TAF2: variants seen among roughly 807,000 people sequenced by gnomAD.
TAF2 encodes TATA-box binding protein associated factor 2.
A neutral mutation model predicts 138.5 loss-of-function variants in TAF2; 61 were observed. The observed-to-expected ratio is 0.44, with a 90% CI of 0.36 to 0.54. The LOEUF (loss-of-function observed/expected upper bound fraction) is 0.54. TAF2 is among the 20% of genes least tolerant of loss of function. The pLI is 0.00. For missense variants in TAF2, 1,090 were observed against 1,427.9 expected, an observed-to-expected ratio of 0.76 and a Z score of 3.81; for synonymous variants, 475 against 469.9, an observed-to-expected ratio of 1.01 and a Z score of -0.14.
intron 18 of TAF2, among the ~76,000 whole-genome samples, chr8:119,777,079 G>A (rs1822302542): frequency 6.6e-6 from 1 of 152,108 alleles, no homozygotes; most frequent in Non-Finnish European, 1.5e-5. Context: ...TGATATATAT[G>A]GCATTTACAT....
intron 2 of TAF2, among the ~76,000 whole-genome samples, chr8:119,821,262 T>A (rs1825788788): frequency 6.6e-6 from 1 of 152,200 alleles, no homozygotes; most frequent in South Asian, 2.1e-4. Flanking sequence ...GCCACTGGCA[T>A]AACTGCAAGC....
At chr8:119,793,922 G>A in intron 9 of TAF2, among the ~76,000 whole-genome samples, 1 of 150,358 alleles carries the variant, frequency 6.7e-6, no homozygotes, top group East Asian at 2.0e-4. Flanking sequence ...AGGGGGGGTT[G>A]GGGGCAGTTG....
intron 21 of TAF2, among the ~76,000 whole-genome samples, chr8:119,757,780 C>T (rs764635300): frequency 5.9e-5 from 9 of 151,972 alleles, no homozygotes; most frequent in Non-Finnish European, 7.4e-5. Context: ...CCTGTAATCC[C>T]AGCCACCAGA....
At chr8:119,778,581 T>C (rs1700946187) in intron 17 of TAF2, among the ~76,000 whole-genome samples, 1 of 152,220 alleles carries the variant, frequency 6.6e-6, no homozygotes, top group Non-Finnish European at 1.5e-5. Context: ...TCGTTGCCTA[T>C]TGAGTAGGAG....
At chr8:119,831,797 T>C in intron 1 of TAF2, 66 bp from the exon 2 acceptor site, 1 of 1,085,806 alleles carries the variant, frequency 9.2e-7, no homozygotes, top group Non-Finnish European at 1.3e-6. Flanking sequence ...CAAAGTATAA[T>C]TCTATCCAAG....
intron 3 of TAF2, among the ~76,000 whole-genome samples, chr8:119,817,777 T>C (rs542873705): frequency 6.6e-6 from 1 of 152,188 alleles, no homozygotes; most frequent in Non-Finnish European, 1.5e-5. Context: ...AGGGTGGATA[T>C]TTTGGCCTTC....
intron 18 of TAF2, among the ~76,000 whole-genome samples, chr8:119,768,082 C>G (rs567759533): frequency 5.3e-5 from 8 of 152,322 alleles, no homozygotes; most frequent in African/African-American, 1.9e-4. Flanking sequence ...CTGAGGGAGT[C>G]CGCCTTCCTC....
intron 14 of TAF2, among the ~76,000 whole-genome samples, chr8:119,786,480 C>G (rs1279590496): frequency 6.6e-6 from 1 of 151,928 alleles, no homozygotes; most frequent in Non-Finnish European, 1.5e-5. Context: ...TACCTTCAAA[C>G]AAAATGAGGA....
intron 25 of TAF2, among the ~76,000 whole-genome samples, chr8:119,740,627 T>C (rs1053122705): frequency 5.9e-5 from 8 of 136,624 alleles, no homozygotes; most frequent in African/African-American, 8.4e-5. Context: ...ATCGCATCAC[T>C]GCACTCCAGC....
At chr8:119,753,534 G>A (rs753083231) in intron 22 of TAF2, among the ~76,000 whole-genome samples, 12 of 152,076 alleles carry the variant, frequency 7.9e-5, no homozygotes, top group African/African-American at 2.4e-4. Flanking sequence ...GAAAAACTAA[G>A]TAATAAACTG....
chr8:119,755,475 C>T (rs1037462299), intron 22 of TAF2, among the ~76,000 whole-genome samples: 9 of 151,500 alleles, frequency 5.9e-5, no homozygotes, highest in Non-Finnish European at 2.9e-5. Context: ...CCAACCTGGG[C>T]GACAGAAACT....
At chr8:119,805,792 T>C (rs1012225633) in intron 4 of TAF2, among the ~76,000 whole-genome samples, 1 of 152,062 alleles carries the variant, frequency 6.6e-6, no homozygotes, top group Non-Finnish European at 1.5e-5. Flanking sequence ...AATGGTATCA[T>C]CCTGTTAGCC....
At position 119,797,781 on chromosome 8, in the gene TAF2, T is replaced by G; in HGVS notation, c.858A>C (p.Glu286Asp). The change falls in exon 7 of 26, where the codon GAA (glutamate) becomes GAC (aspartate). Residue 286 changes from glutamate (E) to aspartate (D), a missense_variant. Coordinates refer to ENST00000378164, the MANE Select transcript of TAF2 (RefSeq NM_003184.4). ...LLKHTTSYLHEVFEFYEEILT... is the reference protein window; with the variant it reads ...LLKHTTSYLHDVFEFYEEILT... ...GAATTTCTTCATAAAATTCAAAGACTTCATGAAGGTATGATGTGGTATGTT... is the reference window on the plus strand; with the variant it reads ...GAATTTCTTCATAAAATTCAAAGACGTCATGAAGGTATGATGTGGTATGTT... The G allele has an allele frequency of 6.2e-7, 1 of 1,613,582 alleles. No individual in the cohort carries two copies. The highest frequency in any genetic ancestry group is 8.5e-7 in the Non-Finnish European group (1 of 1,179,718).
At chr8:119,760,828 T>C in intron 19 of TAF2, 90 bp from the exon 20 acceptor site, 1 of 1,560,840 alleles carries the variant, frequency 6.4e-7, no homozygotes. Context: ...TTTGTGGCAA[T>C]CAATTTAAAA....
At chr8:119,750,699 C>T (rs570749726) in intron 22 of TAF2, among the ~76,000 whole-genome samples, 13 of 152,082 alleles carry the variant, frequency 8.5e-5, no homozygotes, top group Admixed American at 4.6e-4. Flanking sequence ...TGGGACAGAG[C>T]TTTGAAACCT....
Position 119,746,835 on chromosome 8 carries a change from C to T in TAF2, c.2978G>A (p.Gly993Glu). ...RPSCLPLPELGLVLNLKEKKA... is the reference protein window; with the variant it reads ...RPSCLPLPELELVLNLKEKKA... ...TTTCTCCTTTAGATTAAGAACCAAC[C>T]CAAGCTCTGGCAAGGGTAAACAGGA... The change falls in exon 23 of 26, where the codon GGG becomes GAG. Residue 993 changes from glycine (G) to glutamate (E), a missense_variant. Gly to Glu is a moderately conservative substitution (Grantham distance 98, BLOSUM62 -2). Transcript: ENST00000378164. The T allele has an allele frequency of 6.2e-7, 1 of 1,614,042 alleles. No individual in the cohort carries two copies. Among genetic ancestry groups the T allele is most frequent in the Non-Finnish European group, 8.5e-7 (1 of 1,180,008 alleles).
At chr8:119,761,170 C>T (rs1469323636) in intron 19 of TAF2, among the ~76,000 whole-genome samples, 2 of 152,042 alleles carry the variant, frequency 1.3e-5, no homozygotes, top group African/African-American at 4.8e-5. Flanking sequence ...ATCTTTTATA[C>T]CGTATTTTTA....
In TAF2 at chr8:119,785,736, C is replaced by T. The variant is rs117372325; in HGVS notation, c.1794-470G>A. Among the ~76,000 whole-genome samples the T allele has an allele frequency of 6.8e-3, 1,037 of 152,148 alleles. 7 individuals carry two copies. The highest frequency in any genetic ancestry group is 0.01 in the Non-Finnish European group (707 of 67,974). On this transcript the variant is annotated intron_variant, in intron 14 of 25. Coordinates refer to ENST00000378164, the MANE Select transcript of TAF2 (RefSeq NM_003184.4). ...GATCAATATGTAGAACCAATTAATA[C>T]GCACAAGGTTCAAGATAAGCAAAAA...
chr8:119,767,146 G>A (rs538308311), intron 18 of TAF2: 18 of 152,256 alleles, frequency 1.2e-4, no homozygotes, highest in Non-Finnish European at 2.4e-4. Context: ...ACTTTGTGGA[G>A]GAAGAGTATC....
Sources: gnomAD v4.1 joint callset for allele counts (sites outside exome capture counted in the v4.1 genomes callset) on GRCh38, gnomAD v4.1.1 for gene constraint, MANE v1.5 for transcripts, NCBI Gene and HGNC (gene_info 2026-07-23, HGNC 2026-07-21) for gene names.